Variants in MAML2 observed in about 807,000 individuals in gnomAD.
MAML2 encodes mastermind-like protein 2.
MAML2 carries 22 observed loss-of-function variants against 96.1 expected under a neutral mutation model. That is an observed-to-expected ratio of 0.23 (90% CI 0.16 to 0.33). The LOEUF (loss-of-function observed/expected upper bound fraction) is 0.33. Ranked by LOEUF, MAML2 falls within the 10% of genes least tolerant of loss-of-function variation. The pLI, the probability that MAML2 is intolerant of heterozygous loss-of-function variation, is 1.00. For missense variants in MAML2, 1,367 were observed against 1,392.4 expected (o/e 0.98, Z 0.29); for synonymous variants, 561 against 521.3 (o/e 1.08, Z -1.04).
At chr11:96,027,301 A>T (rs965046008) in intron 2 of MAML2, among the ~76,000 whole-genome samples, 2 of 152,208 alleles carry the variant, frequency 1.3e-5, no homozygotes, top group Admixed American at 6.5e-5. Context: ...CTTCACATAC[A>T]ATGCTGAGAA....
intron 1 of MAML2, among the ~76,000 whole-genome samples, chr11:96,258,558 A>C (rs140946209): frequency 6.7e-4 from 102 of 152,342 alleles, no homozygotes; most frequent in Non-Finnish European, 1.2e-3. Flanking sequence ...CAAAGAAGAA[A>C]ATCACATTCA....
Position 96,260,092 on chromosome 11 carries a change from C to T in MAML2, c.513+81291G>A, listed in dbSNP as rs79596212. On this transcript the variant is annotated intron_variant, in intron 1 of 4. Coordinates refer to ENST00000524717, the MANE Select transcript of MAML2 (RefSeq NM_032427.4). ...TCCTCGGAACACCTGTGCCACCTTC[C>T]TAAAGGCCAGTCAGTTCCAGGACTT... Among the ~76,000 whole-genome samples the T allele has an allele frequency of 8.6e-3, 1,301 of 151,982 alleles. 27 individuals carry two copies. Among genetic ancestry groups the T allele is most frequent in the African/African-American group, 0.03 (1,239 of 41,446 alleles).
chr11:96,033,012 A>C (rs185764034), intron 2 of MAML2, among the ~76,000 whole-genome samples: 12 of 152,340 alleles, frequency 7.9e-5, no homozygotes, highest in Admixed American at 6.5e-4. Context: ...CAAAAAGTGA[A>C]ATTTGTAGCA....
intron 2 of MAML2, among the ~76,000 whole-genome samples, chr11:96,008,072 A>G (rs1027855824): frequency 6.6e-6 from 1 of 152,224 alleles, no homozygotes; most frequent in Non-Finnish European, 1.5e-5. Flanking sequence ...TCAATATTAC[A>G]TATCATATAA....
At chr11:96,145,943 A>T (rs1860807992) in intron 1 of MAML2, among the ~76,000 whole-genome samples, 1 of 152,166 alleles carries the variant, frequency 6.6e-6, no homozygotes, top group Non-Finnish European at 1.5e-5. Context: ...TGGGAGGCGG[A>T]GGTTGCAGTG....
At chr11:96,065,619 T>C (rs1859232265) in intron 2 of MAML2, among the ~76,000 whole-genome samples, 2 of 152,266 alleles carry the variant, frequency 1.3e-5, no homozygotes, top group African/African-American at 4.8e-5. Context: ...TATTGTGACC[T>C]TTTTATATGC....
intron 1 of MAML2, among the ~76,000 whole-genome samples, chr11:96,281,075 G>C (rs1184990648): frequency 6.6e-6 from 1 of 152,172 alleles, no homozygotes; most frequent in Non-Finnish European, 1.5e-5. Context: ...TGCATTATTT[G>C]CAAGTTTTCA....
At chr11:96,019,018 G>A (rs1169100855) in intron 2 of MAML2, among the ~76,000 whole-genome samples, 1 of 152,156 alleles carries the variant, frequency 6.6e-6, no homozygotes, top group East Asian at 1.9e-4. Flanking sequence ...GAGAAGAGAA[G>A]TAGGGAGTTA....
intron 1 of MAML2, among the ~76,000 whole-genome samples, chr11:96,322,140 C>G (rs537159355): frequency 1.3e-5 from 2 of 152,116 alleles, no homozygotes; most frequent in South Asian, 2.1e-4. Context: ...TGGAGTGCAC[C>G]GCTAATAATA....
At chr11:96,025,853 G>A (rs773014303) in intron 2 of MAML2, among the ~76,000 whole-genome samples, 5 of 146,264 alleles carry the variant, frequency 3.4e-5, no homozygotes, top group Admixed American at 2.0e-4. Context: ...AAGCCACCGC[G>A]CCCAGCCAAA....
chr11:96,183,221 C>T (rs1425138132), intron 1 of MAML2, among the ~76,000 whole-genome samples: 4 of 151,884 alleles, frequency 2.6e-5, no homozygotes, highest in Non-Finnish European at 5.9e-5. Flanking sequence ...GGCCTCCCAA[C>T]GCGCTGGGAT....
chr11:96,252,425 CTTTTT>C (rs35604635), intron 1 of MAML2, among the ~76,000 whole-genome samples: 3 of 122,574 alleles, frequency 2.4e-5, no homozygotes, highest in Admixed American at 8.9e-5. Flanking sequence ...TTGACTAACT[CTTTTT>C]TTTTTTTTTT....
chr11:96,027,117 G>A, intron 2 of MAML2, among the ~76,000 whole-genome samples: 1 of 152,138 alleles, frequency 6.6e-6, no homozygotes. Context: ...TGAGCTGATG[G>A]GACTTTGATT....
chr11:96,032,811 C>T (rs916318864), intron 2 of MAML2, among the ~76,000 whole-genome samples: 2 of 152,150 alleles, frequency 1.3e-5, no homozygotes, highest in African/African-American at 2.4e-5. Flanking sequence ...TATATACTGT[C>T]TGATCCCATT....
At chr11:96,266,310 C>T (rs2135976647) in intron 1 of MAML2, among the ~76,000 whole-genome samples, 1 of 152,244 alleles carries the variant, frequency 6.6e-6, no homozygotes, top group South Asian at 2.1e-4. Context: ...GTGGCTCACA[C>T]CTGTAATCCC....
rs550187480 is a variant in MAML2 at position 95,980,457 on chromosome 11, C to G, written c.2456-494G>C. ...ATCATGTCCCATTCTTTGAATCATCCCCATTCAAGAAGCTACCCCAGTGAC... is the reference window on the plus strand; with the variant it reads ...ATCATGTCCCATTCTTTGAATCATCGCCATTCAAGAAGCTACCCCAGTGAC... On this transcript the variant is annotated intron_variant, in intron 4 of 4. Coordinates refer to ENST00000524717, the MANE Select transcript of MAML2 (RefSeq NM_032427.4). 1.1e-4 allele frequency among the ~76,000 whole-genome samples: 17 copies of G among 152,108 alleles called. No homozygotes were observed. The East Asian group carries it at 2.9e-3, about 26-fold the overall frequency.
At chr11:96,317,690 T>C (rs548817556) in intron 1 of MAML2, among the ~76,000 whole-genome samples, 2 of 152,312 alleles carry the variant, frequency 1.3e-5, no homozygotes, top group East Asian at 3.9e-4. Flanking sequence ...AGGCAAGAAC[T>C]TCTGTGGCAG....
chr11:96,223,719 T>C (rs1015784669), intron 1 of MAML2, among the ~76,000 whole-genome samples: 1 of 152,044 alleles, frequency 6.6e-6, no homozygotes, highest in Non-Finnish European at 1.5e-5. Context: ...CTCTCTCCGC[T>C]CCCACCCGCC....
chr11:95,989,625 T>C (rs1857880142), intron 3 of MAML2, among the ~76,000 whole-genome samples: 1 of 151,684 alleles, frequency 6.6e-6, no homozygotes, highest in Admixed American at 6.6e-5. Flanking sequence ...TGTTTCTAAG[T>C]TCTTTAGCTT....
Sources: gnomAD v4.1 joint callset for allele counts (sites outside exome capture counted in the v4.1 genomes callset) on GRCh38, gnomAD v4.1.1 for gene constraint, MANE v1.5 for transcripts, NCBI Gene and HGNC (gene_info 2026-07-23, HGNC 2026-07-21) for gene names.